UBASH3B: variants seen among roughly 807,000 people sequenced by gnomAD.
The protein encoded by UBASH3B is ubiquitin associated and SH3 domain containing B, also known as ubiquitin-associated and SH3 domain-containing protein B.
In UBASH3B, 37 loss-of-function variants were observed where a neutral mutation model predicts 83.4. That is an observed-to-expected ratio of 0.44 (90% CI 0.34 to 0.58). The LOEUF (loss-of-function observed/expected upper bound fraction) is 0.58, where lower values mean the gene tolerates loss of function less well. UBASH3B is among the 20% of genes least tolerant of loss of function. UBASH3B has a pLI of 0.01. For synonymous variants in UBASH3B, 304 were observed against 318.3 expected, an observed-to-expected ratio of 0.96 and a Z score of 0.48; for missense variants, 657 against 827.2, an observed-to-expected ratio of 0.79 and a Z score of 2.52.
chr11:122,686,865 A>AT (rs35718008), intron 1 of UBASH3B, among the ~76,000 whole-genome samples: 9,053 of 146,974 alleles, frequency 0.062, 334 homozygotes, highest in African/African-American at 0.1. Context: ...AAATGAAGGT[A>AT]TTTTTTTTTT....
intron 1 of UBASH3B, among the ~76,000 whole-genome samples, chr11:122,684,738 C>T (rs1319157097): frequency 6.6e-6 from 1 of 152,158 alleles, no homozygotes; most frequent in African/African-American, 2.4e-5. Context: ...GCTGGGATTA[C>T]AGGCATGCAC....
chr11:122,791,587 A>T (rs1269460490), intron 6 of UBASH3B, among the ~76,000 whole-genome samples: 2 of 152,162 alleles, frequency 1.3e-5, no homozygotes, highest in African/African-American at 4.8e-5. Context: ...TTTCCTATTT[A>T]ACCCCAGAGG....
intron 6 of UBASH3B, among the ~76,000 whole-genome samples, chr11:122,792,790 G>C (rs1246702965): frequency 6.6e-6 from 1 of 152,204 alleles, no homozygotes; most frequent in East Asian, 1.9e-4. Context: ...GACTGATGCT[G>C]CTTTGTTGAA....
At chr11:122,713,192 C>A (rs1864223524) in intron 1 of UBASH3B, among the ~76,000 whole-genome samples, 1 of 152,134 alleles carries the variant, frequency 6.6e-6, no homozygotes, top group Non-Finnish European at 1.5e-5. Context: ...CAGGCGTGAG[C>A]CACTGCACCC....
At chr11:122,696,420 C>T (rs1457719029) in intron 1 of UBASH3B, among the ~76,000 whole-genome samples, 1 of 151,204 alleles carries the variant, frequency 6.6e-6, no homozygotes, top group Non-Finnish European at 1.5e-5. Flanking sequence ...AAGCGATTCT[C>T]CTGCCTCAGC....
intron 1 of UBASH3B, among the ~76,000 whole-genome samples, chr11:122,697,773 G>T (rs933618004): frequency 1.3e-5 from 2 of 152,160 alleles, no homozygotes; most frequent in African/African-American, 4.8e-5. Context: ...GAGTCATTGC[G>T]TTGCACCATA....
chr11:122,656,219 C>G lies in UBASH3B; in HGVS notation c.161+9C>G. 1 of 1,445,118 alleles carries G rather than the reference C, an allele frequency of 6.9e-7. No homozygotes were observed. Among genetic ancestry groups the G allele is most frequent in the Non-Finnish European group, 9.2e-7 (1 of 1,092,196 alleles). The allele number at this position is 1,445,118 out of a possible 1,614,324, so 89.5% of individuals were successfully genotyped here. ...TTCCCCAGAGCCCGCGCGTAAGTGG[C>G]CGGGCTCGCAGCCCTCGGCGACCCC... is the stretch of plus-strand genomic sequence containing the variant. On this transcript the variant is annotated intron_variant, in intron 1 of 13. Transcript: ENST00000284273.
chr11:122,753,595 C>G (rs1243603150), intron 1 of UBASH3B, among the ~76,000 whole-genome samples: 1 of 147,110 alleles, frequency 6.8e-6, no homozygotes, highest in Admixed American at 6.9e-5. Context: ...CTCCCGGGTT[C>G]AAGCGATTCT....
intron 1 of UBASH3B, among the ~76,000 whole-genome samples, chr11:122,688,705 T>C (rs1591769787): frequency 6.6e-6 from 1 of 150,984 alleles, no homozygotes; most frequent in Non-Finnish European, 1.5e-5. Context: ...AGTGCAGTAG[T>C]GCAATCTCGG....
intron 1 of UBASH3B, among the ~76,000 whole-genome samples, chr11:122,772,672 G>A (rs1860666062): frequency 6.6e-6 from 1 of 152,150 alleles, no homozygotes; most frequent in Non-Finnish European, 1.5e-5. Context: ...CCAAGCTGAG[G>A]GCAGAAAGTA....
intron 1 of UBASH3B, among the ~76,000 whole-genome samples, chr11:122,767,961 C>T (rs1352640395): frequency 1.3e-5 from 2 of 152,132 alleles, no homozygotes; most frequent in Non-Finnish European, 2.9e-5. Context: ...AAACATGGAC[C>T]TCAGGTGCTG....
intron 1 of UBASH3B, among the ~76,000 whole-genome samples, chr11:122,679,758 G>A (rs1228853330): frequency 6.6e-6 from 1 of 152,196 alleles, no homozygotes; most frequent in Non-Finnish European, 1.5e-5. Flanking sequence ...TTATTTGTGG[G>A]CACTGAAATT....
At chr11:122,667,037 CTTTTTTTTT>C (rs148029449) in intron 1 of UBASH3B, among the ~76,000 whole-genome samples, 1 of 101,546 alleles carries the variant, frequency 9.8e-6, no homozygotes, top group Admixed American at 1.1e-4. Context: ...TAATGGCATT[CTTTTTTTTT>C]TTTTTTTTTT....
intron 1 of UBASH3B, among the ~76,000 whole-genome samples, chr11:122,666,593 A>AT (rs202120317): frequency 0.011 from 1,643 of 151,430 alleles, 32 homozygotes; most frequent in African/African-American, 0.038. Context: ...TGATTTTTGT[A>AT]TTTTTAGTAG....
intron 1 of UBASH3B, among the ~76,000 whole-genome samples, chr11:122,752,547 A>G (rs1293988651): frequency 6.6e-6 from 1 of 152,224 alleles, no homozygotes; most frequent in Non-Finnish European, 1.5e-5. Context: ...CAGCTTCCTA[A>G]GCAAACAGGG....
At chr11:122,712,442 C>T (rs1446971182) in intron 1 of UBASH3B, among the ~76,000 whole-genome samples, 4 of 151,970 alleles carry the variant, frequency 2.6e-5, no homozygotes. Flanking sequence ...GCACGTCACA[C>T]GAGAGGGGCT....
chr11:122,725,042 C>G, intron 1 of UBASH3B, among the ~76,000 whole-genome samples: 1 of 143,100 alleles, frequency 7.0e-6, no homozygotes, highest in African/African-American at 2.7e-5. Context: ...AACCTCCCAC[C>G]ACCCCCTAAC....
chr11:122,796,481 C>T (rs569721704), intron 8 of UBASH3B, among the ~76,000 whole-genome samples: 5 of 152,104 alleles, frequency 3.3e-5, no homozygotes, highest in African/African-American at 7.2e-5. Context: ...TGGGATACCA[C>T]GGACCAAAGA....
chr11:122,714,170 A>G (rs1864235829), intron 1 of UBASH3B, among the ~76,000 whole-genome samples: 1 of 152,220 alleles, frequency 6.6e-6, no homozygotes, highest in Admixed American at 6.5e-5. Context: ...CTGCCCCATC[A>G]GTTTCTTTAG....
Sources: gnomAD v4.1 joint callset for allele counts (sites outside exome capture counted in the v4.1 genomes callset) on GRCh38, gnomAD v4.1.1 for gene constraint, MANE v1.5 for transcripts, NCBI Gene and HGNC (gene_info 2026-07-23, HGNC 2026-07-21) for gene names.